SLC16A7: variants seen among roughly 807,000 people sequenced by gnomAD.
SLC16A7 encodes the protein monocarboxylate transporter 2.
Under a neutral mutation model 34.9 loss-of-function variants are expected in SLC16A7, and 33 were observed. The observed-to-expected ratio is 0.94, with a 90% CI of 0.72 to 1.26. SLC16A7 has a LOEUF of 1.26. Among genes scored for constraint, SLC16A7 ranks in the 50% most tolerant of loss-of-function variants. SLC16A7 has a pLI of 0.00. For missense variants in SLC16A7, 573 were observed against 578.1 expected (o/e 0.99, Z 0.09); for synonymous variants, 201 against 206.6 (o/e 0.97, Z 0.23).
At position 59,775,438 on chromosome 12, in the gene SLC16A7, G is replaced by A; in HGVS notation, c.1143G>A (p.Val381=). The change falls in exon 5 of 6, where the codon GTG becomes GTA. Residue 381 remains valine (V), a synonymous_variant. Transcript: ENST00000547379. The stretch of plus-strand genomic sequence containing the variant: ...GTGCCGTCGGACTTGTCACAATTGT[G>A]GAGTGTGGCCCAGTTCTTCTTGGCC... ...FSSAVGLVTI[V]ECGPVLLGPP... 6.2e-7 allele frequency: 1 copy of A among 1,614,008 alleles called. No homozygotes were observed. Among genetic ancestry groups the A allele is most frequent in the East Asian group, 2.2e-5 (1 of 44,884 alleles).
chr12:59,775,952 T>G (rs1882716535), intron 5 of SLC16A7, among the ~76,000 whole-genome samples: 1 of 152,162 alleles, frequency 6.6e-6, no homozygotes, highest in Non-Finnish European at 1.5e-5. Flanking sequence ...ATTTATAATA[T>G]CACTGATAAG....
rs111980189 is a variant in SLC16A7, at chr12:59,620,986, G to C, written c.-130+24750G>C. ...TCAAGCCCAAATACAATCTTTTTTT[G>C]AGGCAGAATATATAATTAAACAGCC... On this transcript the variant is annotated intron_variant, in intron 1 of 5. Transcript: ENST00000547379. 4.5e-3 allele frequency among the ~76,000 whole-genome samples: 679 copies of C among 151,802 alleles called. 6 individuals are homozygous for C. The Middle Eastern group carries it at 0.061, about 14-fold the overall frequency.
chr12:59,672,275 T>G (rs1456990727), intron 2 of SLC16A7, among the ~76,000 whole-genome samples: 2 of 148,266 alleles, frequency 1.3e-5, no homozygotes, highest in African/African-American at 2.5e-5. Flanking sequence ...TATACGTATA[T>G]ATATGTGTAT....
At chr12:59,614,812 C>A (rs1879363232) in intron 1 of SLC16A7, among the ~76,000 whole-genome samples, 1 of 135,490 alleles carries the variant, frequency 7.4e-6, no homozygotes, top group Non-Finnish European at 1.6e-5. Flanking sequence ...CATGGTCAAA[C>A]CCCATTCCTA....
intron 3 of SLC16A7, chr12:59,761,107 A>G: frequency 8.3e-7 from 1 of 1,211,540 alleles, no homozygotes; most frequent in Non-Finnish European, 1.1e-6. Context: ...TTACTGCAAA[A>G]TGTACTTGTG....
Position 59,786,485 on chromosome 12 carries a change from T to G in SLC16A7, c.*6806T>G, listed in dbSNP as rs1883631946. The stretch of plus-strand genomic sequence containing the variant: ...TTCAATGGTACGATGGATTTTATTT[T>G]TCTATCATCAACTTTCTATATTTAA... On this transcript the variant is annotated 3_prime_UTR_variant, in exon 6 of 6. Transcript: ENST00000547379. The G allele has an allele frequency of 1.3e-5, 2 of 152,142 alleles. No individual in the cohort carries two copies. Among genetic ancestry groups the G allele is most frequent in the African/African-American group, 4.8e-5 (2 of 41,446 alleles). The allele number at this position is 152,142 out of a possible 1,614,324, so 9.4% of individuals were successfully genotyped here. A position where few individuals can be genotyped will look rare whatever the true frequency, so the allele number is the denominator to read the frequency against.
Position 59,715,071 on chromosome 12 carries a change from C to A in SLC16A7, c.217+10053C>A, listed in dbSNP as rs1328154466. On this transcript the variant is annotated intron_variant, in intron 3 of 5. Transcript: ENST00000547379. ...GATCATAACTCTGAGTACTCTCCTC[C>A]CTTTTAATCAATTTTAAGAGCAAAT... Among the ~76,000 whole-genome samples the A allele has an allele frequency of 2.6e-5, 4 of 152,250 alleles. No individual in the cohort carries two copies. The East Asian group carries it at 7.7e-4, about 29-fold the overall frequency.
chr12:59,756,633 T>C (rs983103902), intron 3 of SLC16A7, among the ~76,000 whole-genome samples: 3 of 147,212 alleles, frequency 2.0e-5, no homozygotes, highest in African/African-American at 5.2e-5. Context: ...TGTGGAGAAA[T>C]AGAAACACTT....
At chr12:59,706,789 T>A (rs916534992) in intron 3 of SLC16A7, among the ~76,000 whole-genome samples, 1 of 152,120 alleles carries the variant, frequency 6.6e-6, no homozygotes, top group African/African-American at 2.4e-5. Flanking sequence ...TTAAATACAA[T>A]TGAAACAGTC....
At chr12:59,601,090 G>A (rs962768255) in intron 1 of SLC16A7, among the ~76,000 whole-genome samples, 14 of 152,196 alleles carry the variant, frequency 9.2e-5, no homozygotes, top group African/African-American at 3.4e-4. Context: ...TGTAAGTGGT[G>A]AACACAAATG....
intron 3 of SLC16A7, among the ~76,000 whole-genome samples, chr12:59,716,629 C>G (rs1259971950): frequency 6.6e-6 from 1 of 152,144 alleles, no homozygotes; most frequent in Non-Finnish European, 1.5e-5. Context: ...AGGGGGATCA[C>G]TTGAGTACAG....
intron 3 of SLC16A7, among the ~76,000 whole-genome samples, chr12:59,736,528 T>G (rs1023409177): frequency 1.3e-5 from 2 of 152,176 alleles, no homozygotes; most frequent in African/African-American, 4.8e-5. Context: ...TTCAGGAGGC[T>G]ACACTTGGTG....
intron 3 of SLC16A7, among the ~76,000 whole-genome samples, chr12:59,746,039 A>G (rs903610213): frequency 1.1e-4 from 16 of 152,328 alleles, no homozygotes; most frequent in African/African-American, 3.6e-4. Flanking sequence ...ATAGTCAATT[A>G]CGGGTTTTAA....
intron 2 of SLC16A7, among the ~76,000 whole-genome samples, chr12:59,682,988 C>T (rs941210165): frequency 1.3e-5 from 2 of 151,972 alleles, no homozygotes; most frequent in African/African-American, 4.8e-5. Context: ...ATCACTTGAA[C>T]CTGGGAGGCG....
intron 1 of SLC16A7, among the ~76,000 whole-genome samples, chr12:59,622,223 C>T (rs2136982100): frequency 6.6e-6 from 1 of 151,996 alleles, no homozygotes; most frequent in East Asian, 1.9e-4. Flanking sequence ...TTATATGTTG[C>T]TGGGCTTCTG....
At chr12:59,692,164 T>A (rs1375216968) in intron 2 of SLC16A7, among the ~76,000 whole-genome samples, 1 of 151,964 alleles carries the variant, frequency 6.6e-6, no homozygotes. Flanking sequence ...TGGGCCTCCA[T>A]CCTCACATCA....
chr12:59,758,258 T>G (rs757704108), intron 3 of SLC16A7, among the ~76,000 whole-genome samples: 3 of 152,122 alleles, frequency 2.0e-5, no homozygotes, highest in Non-Finnish European at 2.9e-5. Context: ...CTTACCACAG[T>G]AAAATAAATT....
intron 1 of SLC16A7, among the ~76,000 whole-genome samples, chr12:59,653,751 A>T (rs1288235698): frequency 2.0e-5 from 3 of 151,640 alleles, no homozygotes; most frequent in Non-Finnish European, 4.4e-5. Flanking sequence ...ATCAGCCTAA[A>T]ATTCCTTCCA....
chr12:59,733,639 T>C (rs1877223511), intron 3 of SLC16A7: 1 of 448,646 alleles, frequency 2.2e-6, no homozygotes, highest in African/African-American at 2.0e-5. Context: ...CCTCTCTCCT[T>C]CTCATCACCT....
Sources: gnomAD v4.1 joint callset for allele counts (sites outside exome capture counted in the v4.1 genomes callset) on GRCh38, gnomAD v4.1.1 for gene constraint, MANE v1.5 for transcripts, NCBI Gene and HGNC (gene_info 2026-07-23, HGNC 2026-07-21) for gene names.